The following FBXW11 variants were observed in gnomAD, a reference collection of about 807,000 sequenced individuals.
The protein encoded by FBXW11 is F-box and WD repeat domain containing 11.
Under a neutral mutation model 77.6 loss-of-function variants are expected in FBXW11, and 19 were observed. The observed-to-expected ratio is 0.24, with a 90% CI of 0.17 to 0.36. The LOEUF (loss-of-function observed/expected upper bound fraction) is 0.36. Among genes scored for constraint, FBXW11 ranks in the 10% least tolerant of loss-of-function variants. The pLI is 1.00. For synonymous variants in FBXW11, 235 were observed against 249.4 expected (o/e 0.94, Z 0.54); for missense variants, 334 against 704.2 (o/e 0.47, Z 5.95).
chr5:171,963,434 G>C (rs967251399), intron 1 of FBXW11, among the ~76,000 whole-genome samples: 1 of 152,134 alleles, frequency 6.6e-6, no homozygotes, highest in Non-Finnish European at 1.5e-5. Context: ...GATGAGAAAG[G>C]CTTAATTAGA....
chr5:171,944,399 C>T (rs1243995816), intron 2 of FBXW11, among the ~76,000 whole-genome samples: 3 of 151,592 alleles, frequency 2.0e-5, no homozygotes, highest in East Asian at 1.9e-4. Flanking sequence ...CATGGTGAAA[C>T]CCCATCTCTA....
intron 2 of FBXW11, among the ~76,000 whole-genome samples, chr5:171,921,103 C>T (rs1436731907): frequency 2.6e-5 from 4 of 152,218 alleles, no homozygotes; most frequent in African/African-American, 4.8e-5. Flanking sequence ...TTCATTCTTT[C>T]TTCAGAGCAT....
intron 1 of FBXW11, among the ~76,000 whole-genome samples, chr5:171,961,163 G>C (rs994645835): frequency 6.6e-6 from 1 of 152,160 alleles, no homozygotes; most frequent in African/African-American, 2.4e-5. Context: ...TGCTGGGTTG[G>C]TGCTAAGGTC....
intron 6 of FBXW11, among the ~76,000 whole-genome samples, chr5:171,898,725 G>C (rs989828224): frequency 6.6e-6 from 1 of 152,082 alleles, no homozygotes; most frequent in African/African-American, 2.4e-5. Flanking sequence ...TATCAGCTTA[G>C]AATAAAAAGA....
chr5:171,972,790 C>T (rs1480494542), intron 1 of FBXW11, among the ~76,000 whole-genome samples: 2 of 152,056 alleles, frequency 1.3e-5, no homozygotes, highest in Non-Finnish European at 2.9e-5. Flanking sequence ...GGTGATCCAC[C>T]CACCTCGGCC....
intron 2 of FBXW11, among the ~76,000 whole-genome samples, chr5:171,915,574 A>G (rs1323237296): frequency 6.7e-6 from 1 of 148,984 alleles, no homozygotes; most frequent in African/African-American, 2.5e-5. Context: ...AAGGCTTTGA[A>G]GCCAAAGAGA....
chr5:171,889,886 G>A (rs76695455), intron 7 of FBXW11, among the ~76,000 whole-genome samples: 3,519 of 151,990 alleles, frequency 0.023, 128 homozygotes, highest in African/African-American at 0.08. Flanking sequence ...GTAAAACTCC[G>A]TCTCAAAAAA....
intron 1 of FBXW11, among the ~76,000 whole-genome samples, chr5:171,961,139 C>T (rs1046826424): frequency 2.6e-5 from 4 of 152,128 alleles, no homozygotes; most frequent in Non-Finnish European, 5.9e-5. Flanking sequence ...ATTTACTTAT[C>T]CAAAATCGCA....
In FBXW11 at chr5:171,999,619, G is replaced by T. The variant is rs528515458; in HGVS notation, c.45+6839C>A. ...TCAGAGGGCCAAAATATATTTTATT[G>T]TTAGTTACCAAAACTGGTTCAATGT... On this transcript the variant is annotated intron_variant, in intron 1 of 13. Coordinates refer to ENST00000517395, the MANE Select transcript of FBXW11 (RefSeq NM_001378974.1). Among the ~76,000 whole-genome samples the T allele has an allele frequency of 2.6e-5, 4 of 151,936 alleles. No homozygotes were observed. In the South Asian group the frequency reaches 8.3e-4, roughly 31 times the overall value.
chr5:171,917,200 T>A (rs1424952381), intron 2 of FBXW11, among the ~76,000 whole-genome samples: 2 of 152,238 alleles, frequency 1.3e-5, no homozygotes, highest in African/African-American at 4.8e-5. Flanking sequence ...ATTACAGGCA[T>A]GAGCCACTGC....
intron 2 of FBXW11, among the ~76,000 whole-genome samples, chr5:171,953,133 C>T (rs1763432484): frequency 6.6e-6 from 1 of 152,124 alleles, no homozygotes; most frequent in Admixed American, 6.5e-5. Flanking sequence ...CCATGTCCAC[C>T]TAATTTTTTA....
At chr5:171,870,901 C>A (rs192066145) in intron 10 of FBXW11, 43 bp from the exon 11 acceptor site, 5 of 1,378,268 alleles carry the variant, frequency 3.6e-6, no homozygotes, top group African/African-American at 1.4e-5. Context: ...TTCCCACACA[C>A]GATTCACACT....
rs547794361 is a variant in FBXW11, at chr5:171,974,578, C to G, written c.46-16880G>C. The stretch of plus-strand genomic sequence containing the variant: ...AGCTAAAAAAAAAACAGGAAGAAGC[C>G]GAGCATAACCTATGCCTACAGTTTC... On this transcript the variant is annotated intron_variant, in intron 1 of 13. Transcript: ENST00000517395. Among the ~76,000 whole-genome samples the G allele has an allele frequency of 4.6e-5, 7 of 151,780 alleles. No individual in the cohort carries two copies. The South Asian group carries it at 1.5e-3, about 32-fold the overall frequency.
At chr5:172,005,381 C>G (rs1015133556) in intron 1 of FBXW11, among the ~76,000 whole-genome samples, 8 of 152,228 alleles carry the variant, frequency 5.3e-5, no homozygotes, top group African/African-American at 1.7e-4. Flanking sequence ...CTCTTCCCAG[C>G]TCTCCAGAGC....
chr5:171,953,211 G>A (rs1763436188), intron 2 of FBXW11, among the ~76,000 whole-genome samples: 1 of 152,110 alleles, frequency 6.6e-6, no homozygotes, highest in Non-Finnish European at 1.5e-5. Flanking sequence ...GCGAAGGCTG[G>A]TCTCAAACTC....
At chr5:171,871,251 G>C (rs1033440750) in intron 10 of FBXW11, among the ~76,000 whole-genome samples, 2 of 152,148 alleles carry the variant, frequency 1.3e-5, no homozygotes, top group Non-Finnish European at 2.9e-5. Context: ...GACTCTTCTG[G>C]GGAGACAGGG....
At chr5:172,005,685 G>A (rs1348790954) in intron 1 of FBXW11, among the ~76,000 whole-genome samples, 1 of 151,878 alleles carries the variant, frequency 6.6e-6, no homozygotes, top group Non-Finnish European at 1.5e-5. Context: ...AAGACCTCGC[G>A]GCAGTGATGA....
chr5:171,951,264 G>A (rs760265005), intron 2 of FBXW11, among the ~76,000 whole-genome samples: 36 of 152,110 alleles, frequency 2.4e-4, no homozygotes, highest in South Asian at 4.1e-4. Context: ...ACCGGGATCA[G>A]TGGCTCACAC....
intron 1 of FBXW11, among the ~76,000 whole-genome samples, chr5:171,977,192 T>C (rs1045776814): frequency 9.3e-5 from 14 of 151,152 alleles, no homozygotes; most frequent in Non-Finnish European, 1.9e-4. Context: ...ATTTAAAAAT[T>C]AGTCGGGTAT....
Sources: allele counts gnomAD v4.1 joint callset (sites outside exome capture counted in the v4.1 genomes callset), GRCh38; gene constraint gnomAD v4.1.1; transcripts MANE v1.5; gene names NCBI Gene and HGNC (gene_info 2026-07-23, HGNC 2026-07-21).